RGS6: variants seen among roughly 807,000 people sequenced by gnomAD.
The protein encoded by RGS6 is regulator of G protein signaling 6, also known as regulator of G-protein signaling 6.
In RGS6, 30 loss-of-function variants were observed where a neutral mutation model predicts 78.5. The observed-to-expected ratio is 0.38, with a 90% CI of 0.29 to 0.52. The LOEUF (loss-of-function observed/expected upper bound fraction) is 0.52. Ranked by LOEUF, RGS6 falls within the 20% of genes least tolerant of loss-of-function variation. RGS6 has a pLI of 0.85. For synonymous variants in RGS6, 206 were observed against 206.0 expected (o/e 1.00, Z 0.00); for missense variants, 495 against 609.7 (o/e 0.81, Z 1.98).
At chr14:71,971,420 T>C (rs1256118331) in intron 2 of RGS6, among the ~76,000 whole-genome samples, 2 of 152,166 alleles carry the variant, frequency 1.3e-5, no homozygotes, top group African/African-American at 2.4e-5. Context: ...GGCAGACTAC[T>C]TTCCTCTTCT....
intron 3 of RGS6, among the ~76,000 whole-genome samples, chr14:72,412,514 C>G (rs1427493501): frequency 6.6e-6 from 1 of 152,116 alleles, no homozygotes; most frequent in Non-Finnish European, 1.5e-5. Flanking sequence ...TTTCAAAAAA[C>G]CAGCTCCTGG....
chr14:72,352,180 C>T lies in RGS6; in HGVS notation c.170C>T (p.Pro57Leu). The T allele has an allele frequency of 6.2e-7, 1 of 1,613,002 alleles. No homozygotes were observed. ...GTCAAGAGCTTTCTCTCCAAAATCC[C>T]CAGTGTCGTCACAGGTAACACCCTC... ...RTVKSFLSKIPSVVTGTDIVQ... is the reference protein window; with the variant it reads ...RTVKSFLSKILSVVTGTDIVQ... Residue 57 changes from proline (P) to leucine (L), a missense_variant, in exon 3 of 18, where the codon CCC (proline) becomes CTC (leucine). Transcript: ENST00000553525.
At chr14:71,978,606 A>G (rs1462577903) in intron 2 of RGS6, among the ~76,000 whole-genome samples, 1 of 130,082 alleles carries the variant, frequency 7.7e-6, no homozygotes, top group Non-Finnish European at 1.6e-5. Flanking sequence ...CATCCCAGGG[A>G]TGAAGCCCAC....
intron 2 of RGS6, among the ~76,000 whole-genome samples, chr14:72,041,172 A>G (rs1441586160): frequency 6.6e-6 from 1 of 152,140 alleles, no homozygotes; most frequent in Non-Finnish European, 1.5e-5. Flanking sequence ...GGATTTGGGC[A>G]TTTGAAAAAC....
chr14:72,140,417 T>C (rs184230090), intron 2 of RGS6, among the ~76,000 whole-genome samples: 148 of 152,274 alleles, frequency 9.7e-4, no homozygotes, highest in African/African-American at 3.4e-3. Context: ...CCGTGTGCCA[T>C]TGAGATGGAA....
At chr14:72,561,292 A>G (rs761074116) in intron 17 of RGS6, among the ~76,000 whole-genome samples, 1 of 152,196 alleles carries the variant, frequency 6.6e-6, no homozygotes, top group Non-Finnish European at 1.5e-5. Flanking sequence ...TCACGGCCAA[A>G]CACTGCAGCC....
chr14:72,168,185 C>T (rs904279503), intron 2 of RGS6, among the ~76,000 whole-genome samples: 1 of 152,186 alleles, frequency 6.6e-6, no homozygotes, highest in Non-Finnish European at 1.5e-5. Flanking sequence ...CTTCTTTTTC[C>T]ATCCCTGCCC....
intron 2 of RGS6, among the ~76,000 whole-genome samples, chr14:72,250,146 T>C (rs1243017475): frequency 1.3e-5 from 2 of 149,430 alleles, no homozygotes; most frequent in African/African-American, 4.9e-5. Flanking sequence ...TGCTAGATGA[T>C]GAGTTAGTGG....
chr14:72,136,777 T>A (rs1468773634), intron 2 of RGS6, among the ~76,000 whole-genome samples: 1 of 152,190 alleles, frequency 6.6e-6, no homozygotes, highest in Non-Finnish European at 1.5e-5. Context: ...TGAGCTTTTT[T>A]AGGGAAGTGG....
intron 3 of RGS6, among the ~76,000 whole-genome samples, chr14:72,405,180 A>C (rs916611501): frequency 6.6e-6 from 1 of 152,322 alleles, no homozygotes; most frequent in Middle Eastern, 3.4e-3. Context: ...GGCACCAGCA[A>C]AGTGGCAGGA....
rs1193635689 is a variant in RGS6 at position 72,017,381 on chromosome 14, G to A, written c.84+52506G>A. 2.0e-5 allele frequency among the ~76,000 whole-genome samples: 3 copies of A among 152,144 alleles called. No homozygotes were observed. In the East Asian group the frequency reaches 5.8e-4, roughly 29 times the overall value. On this transcript the variant is annotated intron_variant, in intron 2 of 17. Coordinates refer to ENST00000553525, the MANE Select transcript of RGS6 (RefSeq NM_001204424.2). Reference sequence around the variant, plus strand: ...ACAGATAAAATCTTTTAATAATAATGACAGGTCTTTTCCTTTTCATGTTAT... The same window carrying A: ...ACAGATAAAATCTTTTAATAATAATAACAGGTCTTTTCCTTTTCATGTTAT...
intron 2 of RGS6, among the ~76,000 whole-genome samples, chr14:72,190,335 T>G (rs888623611): frequency 3.3e-5 from 5 of 152,252 alleles, no homozygotes; most frequent in Non-Finnish European, 4.4e-5. Flanking sequence ...GGAAAAGGAC[T>G]GTTTTTCCAT....
At chr14:72,410,951 A>G (rs1290189291) in intron 3 of RGS6, among the ~76,000 whole-genome samples, 1 of 152,200 alleles carries the variant, frequency 6.6e-6, no homozygotes, top group African/African-American at 2.4e-5. Flanking sequence ...TACCAGTACC[A>G]TGCTGTTTTG....
intron 14 of RGS6, among the ~76,000 whole-genome samples, chr14:72,512,471 C>G (rs1242819116): frequency 4.6e-5 from 7 of 152,216 alleles, no homozygotes; most frequent in Non-Finnish European, 8.8e-5. Flanking sequence ...TGCGCCTCTG[C>G]CAGCTCCTTT....
intron 2 of RGS6, among the ~76,000 whole-genome samples, chr14:72,323,536 A>G (rs2072722825): frequency 6.6e-6 from 1 of 151,956 alleles, no homozygotes; most frequent in Non-Finnish European, 1.5e-5. Context: ...AAATTAAGAA[A>G]GGGGGATTAG....
chr14:72,212,533 G>C (rs1284842210), intron 2 of RGS6, among the ~76,000 whole-genome samples: 1 of 152,146 alleles, frequency 6.6e-6, no homozygotes, highest in African/African-American at 2.4e-5. Context: ...AAAATTGGCA[G>C]GCATGTTACT....
intron 2 of RGS6, among the ~76,000 whole-genome samples, chr14:72,276,130 A>G (rs372115255): frequency 7.3e-4 from 111 of 152,312 alleles, no homozygotes; most frequent in Non-Finnish European, 8.2e-4. Flanking sequence ...TTGCATTTTT[A>G]TGTAGAAAAG....
At chr14:71,895,049 CCACTG>C in the RGS6 span, among the ~76,000 whole-genome samples, 1 of 152,140 alleles carries the variant, frequency 6.6e-6, no homozygotes, top group South Asian at 2.1e-4. Flanking sequence ...CAGGCGTGAG[CCACTG>C]CACCCAGCCC....
At chr14:72,279,072 A>G (rs775290283) in intron 2 of RGS6, among the ~76,000 whole-genome samples, 1 of 152,096 alleles carries the variant, frequency 6.6e-6, no homozygotes, top group Admixed American at 6.6e-5. Context: ...AAAGGGCGCT[A>G]TCTCCAAGGA....
Sources: allele counts gnomAD v4.1 joint callset (sites outside exome capture counted in the v4.1 genomes callset), GRCh38; gene constraint gnomAD v4.1.1; transcripts MANE v1.5; gene names NCBI Gene and HGNC (gene_info 2026-07-23, HGNC 2026-07-21).